POTEJ: variants seen among roughly 807,000 people sequenced by gnomAD.
POTEJ encodes POTE ankyrin domain family, member J.
A neutral mutation model predicts 69.0 loss-of-function variants in POTEJ; 11 were observed. The ratio of observed to expected loss-of-function variants is 0.16; its 90% CI spans 0.10 to 0.26. The LOEUF is 0.26. Ranked by LOEUF, POTEJ falls within the 10% of genes least tolerant of loss-of-function variation. The pLI is 1.00. For synonymous variants in POTEJ, 117 were observed against 381.1 expected (o/e 0.31, Z 8.07); for missense variants, 327 against 1,045.5 (o/e 0.31, Z 9.48).
intron 10 of POTEJ, among the ~76,000 whole-genome samples, chr2:130,639,086 A>C (rs1433713369): frequency 6.6e-6 from 1 of 152,306 alleles, no homozygotes; most frequent in Non-Finnish European, 1.5e-5. Context: ...CACTGATCTG[A>C]CTGGAGGCAG....
intron 10 of POTEJ, among the ~76,000 whole-genome samples, chr2:130,641,050 A>G (rs1242412193): frequency 6.6e-6 from 1 of 152,082 alleles, no homozygotes; most frequent in Non-Finnish European, 1.5e-5. Context: ...TCTCTGTCAT[A>G]TCTACTTAAC....
chr2:130,633,088 G>A (rs1164881197), intron 9 of POTEJ, among the ~76,000 whole-genome samples: 1 of 144,726 alleles, frequency 6.9e-6, no homozygotes, highest in Non-Finnish European at 1.5e-5. Flanking sequence ...TCTCCTCTTT[G>A]TGTCCATGAG....
At chr2:130,647,935 C>T (rs1324047389) in intron 13 of POTEJ, among the ~76,000 whole-genome samples, 19 of 145,378 alleles carry the variant, frequency 1.3e-4, no homozygotes, top group East Asian at 7.8e-4. Context: ...TTCACCTCAC[C>T]GTATTTTTCC....
chr2:130,615,761 T>C (rs1405924217), intron 1 of POTEJ, among the ~76,000 whole-genome samples: 3 of 149,166 alleles, frequency 2.0e-5, no homozygotes, highest in East Asian at 1.9e-4. Flanking sequence ...TCCCTGAATG[T>C]AAAAGTTGAA....
chr2:130,630,567 A>C lies in POTEJ; in HGVS notation c.1086+548A>C, dbSNP rs1392700336. 1.6e-4 allele frequency among the ~76,000 whole-genome samples: 22 copies of C among 141,626 alleles called. 1 individual carries two copies. The highest frequency in any genetic ancestry group is 6.3e-4 in the African/African-American group (22 of 35,098). The allele number at this position is 141,626 out of a possible 152,430, so 92.9% of individuals were successfully genotyped here. On this transcript the variant is annotated intron_variant, in intron 7 of 14. Coordinates refer to ENST00000409602, the MANE Select transcript of POTEJ (RefSeq NM_001277083.2). Reference sequence around the variant, plus strand: ...TTGTCAGTCACTGATACCAAGCTTAAAAATATATTCTGCCTTATGGTCTCT... The same window carrying C: ...TTGTCAGTCACTGATACCAAGCTTACAAATATATTCTGCCTTATGGTCTCT...
chr2:130,648,580 C>T (rs1482032932), intron 13 of POTEJ, among the ~76,000 whole-genome samples: 1 of 134,232 alleles, frequency 7.4e-6, no homozygotes, highest in Non-Finnish European at 1.6e-5. Context: ...CTCATTTAAT[C>T]TGTCAGCAAT....
chr2:130,645,742 A>G lies in POTEJ; in HGVS notation c.1446A>G (p.Arg482=), dbSNP rs1310259380. The G allele has an allele frequency of 2.3e-6, 1 of 433,428 alleles. No homozygotes were observed. Among genetic ancestry groups the G allele is most frequent in the Non-Finnish European group, 4.1e-6 (1 of 243,146 alleles). The allele number at this position is 433,428 out of a possible 1,614,324, so 26.8% of individuals were successfully genotyped here. A position where few individuals can be genotyped will look rare whatever the true frequency, so the allele number is the denominator to read the frequency against. ...KGSENGQPEK[R]SQEPEINKDG... ...TTCTGTTTTTACATCTGCAGAAAAG[A>G]TCTCAAGAACCAGAAATAAATAAGG... The change falls in exon 12 of 15, where the codon AGA becomes AGG. Residue 482 remains arginine, a synonymous_variant. Transcript: ENST00000409602.
intron 6 of POTEJ, among the ~76,000 whole-genome samples, chr2:130,626,718 C>T (rs1162802957): frequency 3.9e-5 from 6 of 152,158 alleles, no homozygotes; most frequent in African/African-American, 1.5e-4. Context: ...GCTATAGTTT[C>T]CTTGTCATAC....
At chr2:130,636,121 G>T (rs1357513557) in intron 9 of POTEJ, among the ~76,000 whole-genome samples, 2 of 146,970 alleles carry the variant, frequency 1.4e-5, no homozygotes, top group Non-Finnish European at 2.9e-5. Context: ...TCTGTGCTTG[G>T]CAGTTCCCTG....
chr2:130,636,601 G>A (rs919942817), intron 9 of POTEJ, among the ~76,000 whole-genome samples: 6 of 147,492 alleles, frequency 4.1e-5, no homozygotes, highest in South Asian at 2.1e-4. Context: ...CTAACATACC[G>A]TATATTTTGC....
chr2:130,655,474 T>A (rs1686952967), intron 14 of POTEJ, among the ~76,000 whole-genome samples: 1 of 152,260 alleles, frequency 6.6e-6, no homozygotes, highest in Non-Finnish European at 1.5e-5. Flanking sequence ...TTATCCTTAC[T>A]TTTGCAGAGA....
intron 13 of POTEJ, among the ~76,000 whole-genome samples, chr2:130,649,562 G>A (rs1355081047): frequency 2.0e-5 from 3 of 152,270 alleles, no homozygotes; most frequent in East Asian, 1.9e-4. Context: ...CTCAGTGGAT[G>A]TATTTAAAAC....
intron 1 of POTEJ, among the ~76,000 whole-genome samples, chr2:130,613,350 GTGTA>G (rs1369080652): frequency 7.6e-4 from 96 of 126,640 alleles, no homozygotes; most frequent in Non-Finnish European, 1.3e-3. Flanking sequence ...ATATATGTGT[GTGTA>G]TATATATACA....
intron 1 of POTEJ, among the ~76,000 whole-genome samples, chr2:130,612,873 T>C (rs1277130462): frequency 7.1e-6 from 1 of 141,690 alleles, no homozygotes; most frequent in African/African-American, 2.6e-5. Flanking sequence ...TGCTGTCTTT[T>C]ATTATTGTGA....
At chr2:130,640,846 T>A (rs563091630) in intron 10 of POTEJ, among the ~76,000 whole-genome samples, 48 of 152,308 alleles carry the variant, frequency 3.2e-4, no homozygotes, top group Admixed American at 2.0e-3. Flanking sequence ...ACTTATGTTT[T>A]TTCTGCCAGA....
At position 130,656,828 on chromosome 2, in the gene POTEJ, C is replaced by A. The variant is rs751822207; in HGVS notation, c.2068C>A (p.Pro690Thr). ...CKAGFAGDDAPRAVFPSIVGC... is the reference protein window; with the variant it reads ...CKAGFAGDDATRAVFPSIVGC... ...GGCCGGCTTTGCGGGCGACGATGCC[C>A]CCCGGGCTGTCTTCCCTTCCATCGT... Residue 690 changes from proline to threonine, a missense_variant, in exon 15 of 15, where the codon CCC becomes ACC. Coordinates refer to ENST00000409602, the MANE Select transcript of POTEJ (RefSeq NM_001277083.2). 6 of 1,603,752 alleles carry A rather than the reference C, an allele frequency of 3.7e-6. No individual in the cohort carries two copies. The African/African-American group carries it at 4.2e-5, about 11-fold the overall frequency.
chr2:130,634,861 C>T (rs1441526364), intron 9 of POTEJ, among the ~76,000 whole-genome samples: 31 of 152,048 alleles, frequency 2.0e-4, no homozygotes, highest in African/African-American at 5.6e-4. Context: ...CTCACACCGG[C>T]GTCTTCAATT....
At chr2:130,628,743 T>C (rs1420896192) in intron 6 of POTEJ, among the ~76,000 whole-genome samples, 5 of 148,716 alleles carry the variant, frequency 3.4e-5, no homozygotes, top group South Asian at 2.1e-4. Flanking sequence ...AAAATAAGGA[T>C]AAGTGTGGTG....
At position 130,624,055 on chromosome 2, in the gene POTEJ, T is replaced by C; in HGVS notation, c.945-9T>C. The C allele has an allele frequency of 7.0e-7, 1 of 1,426,956 alleles. No individual in the cohort carries two copies. Among genetic ancestry groups the C allele is most frequent in the South Asian group, 1.3e-5 (1 of 79,794 alleles). The allele number at this position is 1,426,956 out of a possible 1,614,324, so 88.4% of individuals were successfully genotyped here. On this transcript the variant is annotated splice_polypyrimidine_tract_variant and intron_variant, in intron 5 of 14. Coordinates refer to ENST00000409602, the MANE Select transcript of POTEJ (RefSeq NM_001277083.2). ...ATAGTAATTTGGTTTATTACATTTTTATACATAGAATTTGCCAGTTACTTT... is the reference window on the plus strand; with the variant it reads ...ATAGTAATTTGGTTTATTACATTTTCATACATAGAATTTGCCAGTTACTTT...
Sources: gnomAD v4.1 joint callset for allele counts (sites outside exome capture counted in the v4.1 genomes callset) on GRCh38, gnomAD v4.1.1 for gene constraint, MANE v1.5 for transcripts, NCBI Gene and HGNC (gene_info 2026-07-23, HGNC 2026-07-21) for gene names.